Variants in MED12L observed in about 807,000 individuals in gnomAD.
The protein encoded by MED12L is mediator complex subunit 12L.
In MED12L, 60 loss-of-function variants were observed where a neutral mutation model predicts 281.3. The observed-to-expected ratio is 0.21, with a 90% CI of 0.17 to 0.26. The LOEUF (loss-of-function observed/expected upper bound fraction) is 0.26, where lower values mean the gene tolerates loss of function less well. Among genes scored for constraint, MED12L ranks in the 10% least tolerant of loss-of-function variants. The probability of loss-of-function intolerance (pLI) is 1.00; values close to 1 mark genes in which losing one functional copy is unlikely to be tolerated. For synonymous variants in MED12L, 974 were observed against 987.2 expected (o/e 0.99, Z 0.25); for missense variants, 2,146 against 2,680.9 (o/e 0.80, Z 4.41).
chr3:151,340,060 G>T (rs964258447), intron 16 of MED12L, among the ~76,000 whole-genome samples: 1 of 152,070 alleles, frequency 6.6e-6, no homozygotes. Flanking sequence ...GAAGGAAAAC[G>T]ATTAAGAATC....
At chr3:151,095,459 C>T (rs1190643402) in intron 2 of MED12L, among the ~76,000 whole-genome samples, 2 of 152,258 alleles carry the variant, frequency 1.3e-5, no homozygotes, top group Non-Finnish European at 2.9e-5. Flanking sequence ...TGCCTCAGCC[C>T]CCCGAGTAAC....
intron 16 of MED12L, chr3:151,316,973 T>G (rs1014486861): frequency 1.3e-5 from 2 of 152,036 alleles, no homozygotes; most frequent in Non-Finnish European, 2.9e-5. Context: ...CTGCCAGAAG[T>G]CTGCTTAAGG....
chr3:151,108,511 G>C (rs1166763958), intron 2 of MED12L, among the ~76,000 whole-genome samples: 4 of 152,116 alleles, frequency 2.6e-5, no homozygotes, highest in Non-Finnish European at 5.9e-5. Flanking sequence ...ATGTTCTTTT[G>C]GGGGAGAGGT....
At chr3:151,421,800 A>C (rs2108428797) in intron 43 of MED12L, among the ~76,000 whole-genome samples, 1 of 152,226 alleles carries the variant, frequency 6.6e-6, no homozygotes, top group Non-Finnish European at 1.5e-5. Flanking sequence ...AAATATATTT[A>C]TTTATATTTT....
intron 16 of MED12L, among the ~76,000 whole-genome samples, chr3:151,208,351 A>T (rs1490984526): frequency 6.6e-6 from 1 of 152,254 alleles, no homozygotes; most frequent in Non-Finnish European, 1.5e-5. Flanking sequence ...TAACAGCTTG[A>T]AAAAAGCTGC....
At chr3:151,121,957 G>A (rs547973197) in intron 3 of MED12L, among the ~76,000 whole-genome samples, 3 of 152,022 alleles carry the variant, frequency 2.0e-5, no homozygotes, top group Non-Finnish European at 1.5e-5. Context: ...CAGGTGATCC[G>A]CCTGCCTTGG....
At chr3:151,413,065 C>T in intron 41 of MED12L, 74 bp from the exon 42 acceptor site, 5 of 1,513,026 alleles carry the variant, frequency 3.3e-6, no homozygotes, top group Non-Finnish European at 4.5e-6. Context: ...TGGTGTATGT[C>T]ATGTGCTGGT....
chr3:151,392,217 A>G (rs2108235344), intron 38 of MED12L, among the ~76,000 whole-genome samples: 1 of 152,294 alleles, frequency 6.6e-6, no homozygotes, highest in Middle Eastern at 3.4e-3. Context: ...TAATCCCAGC[A>G]CTTTGGGAGG....
At chr3:151,357,534 T>C (rs946515717) in intron 20 of MED12L, among the ~76,000 whole-genome samples, 158 bp downstream of exon 20, 8 of 152,166 alleles carry the variant, frequency 5.3e-5, no homozygotes, top group African/African-American at 1.9e-4. Flanking sequence ...ATCAAAAAGG[T>C]CTAAGCATGT....
At chr3:151,216,662 C>A (rs527924070) in intron 16 of MED12L, among the ~76,000 whole-genome samples, 6 of 152,210 alleles carry the variant, frequency 3.9e-5, no homozygotes, top group Non-Finnish European at 7.3e-5. Flanking sequence ...TAGCACTATT[C>A]TTCCTCTTCC....
chr3:151,169,253 A>C (rs529438404), intron 11 of MED12L, among the ~76,000 whole-genome samples: 1 of 151,266 alleles, frequency 6.6e-6, no homozygotes, highest in East Asian at 1.9e-4. Flanking sequence ...AAGTAGCTGG[A>C]ATTACAGGTG....
intron 39 of MED12L, among the ~76,000 whole-genome samples, chr3:151,408,724 A>G (rs1000357604): frequency 1.5e-4 from 23 of 152,248 alleles, no homozygotes; most frequent in African/African-American, 5.5e-4. Flanking sequence ...TATCGACTAT[A>G]TTCTCATTGA....
chr3:151,420,472 C>T (rs896231343), intron 43 of MED12L, among the ~76,000 whole-genome samples: 1 of 152,152 alleles, frequency 6.6e-6, no homozygotes. Flanking sequence ...GCTAGTGGAT[C>T]ACTAGGAGTG....
At chr3:151,229,707 C>T (rs559644788) in intron 16 of MED12L, among the ~76,000 whole-genome samples, 44 of 151,992 alleles carry the variant, frequency 2.9e-4, no homozygotes, top group South Asian at 2.3e-3. Context: ...CCTCGTGATC[C>T]GCCTGCCTCG....
At chr3:151,335,991 T>A (rs1750928963) in intron 16 of MED12L, among the ~76,000 whole-genome samples, 1 of 152,168 alleles carries the variant, frequency 6.6e-6, no homozygotes, top group South Asian at 2.1e-4. Context: ...CCCTCTGTAG[T>A]CTCCGAACAT....
At position 151,435,893 on chromosome 3, in the gene MED12L, C is replaced by G. The variant is rs1457426419; in HGVS notation, c.*3089C>G. The G allele has an allele frequency of 6.6e-6, 1 of 152,120 alleles. No homozygotes were observed. The highest frequency in any genetic ancestry group is 1.5e-5 in the Non-Finnish European group (1 of 68,020). The allele number at this position is 152,120 out of a possible 1,614,324, so 9.4% of individuals were successfully genotyped here. A position where few individuals can be genotyped will look rare whatever the true frequency, so the allele number is the denominator to read the frequency against. ...CATAAAGAATTAATGAAATGAAATGCTTATAGAGCAACGATTCCTGCTCAG... is the reference window on the plus strand; with the variant it reads ...CATAAAGAATTAATGAAATGAAATGGTTATAGAGCAACGATTCCTGCTCAG... On this transcript the variant is annotated 3_prime_UTR_variant, in exon 45 of 45. Coordinates refer to ENST00000687756, the MANE Select transcript of MED12L (RefSeq NM_001393769.1).
chr3:151,360,358 C>T lies in MED12L; in HGVS notation c.2826-116C>T, dbSNP rs560690962. 7.9e-6 allele frequency: 7 copies of T among 889,066 alleles called. No individual in the cohort carries two copies. In the African/African-American group the frequency reaches 1.2e-4, roughly 15 times the overall value. 55.1% of individuals were successfully genotyped at this position (889,066 alleles called of 1,614,324 possible). A position where few individuals can be genotyped will look rare whatever the true frequency, so the allele number is the denominator to read the frequency against. On this transcript the variant is annotated intron_variant, in intron 20 of 44. Transcript: ENST00000687756. The stretch of plus-strand genomic sequence containing the variant: ...TTACTATTCTATTTATTAGTTTCAA[C>T]AATCCAATATCCTTTTTCTTACCCA...
intron 33 of MED12L, among the ~76,000 whole-genome samples, 197 bp downstream of exon 33, chr3:151,382,942 A>G (rs778083392): frequency 6.6e-6 from 1 of 152,142 alleles, no homozygotes; most frequent in Non-Finnish European, 1.5e-5. Context: ...TCAGACATCT[A>G]GACAGTGCTA....
intron 5 of MED12L, among the ~76,000 whole-genome samples, chr3:151,154,778 C>G (rs1300708966): frequency 6.6e-6 from 1 of 152,198 alleles, no homozygotes; most frequent in Non-Finnish European, 1.5e-5. Flanking sequence ...TGTCATGAGA[C>G]TGTTAGTCCA....
Sources: gnomAD v4.1 joint callset for allele counts (sites outside exome capture counted in the v4.1 genomes callset) on GRCh38, gnomAD v4.1.1 for gene constraint, MANE v1.5 for transcripts, NCBI Gene and HGNC (gene_info 2026-07-23, HGNC 2026-07-21) for gene names.